The following PLA2R1 variants were observed in gnomAD, a reference collection of about 807,000 sequenced individuals.
The protein encoded by PLA2R1 is secretory phospholipase A2 receptor.
Under a neutral mutation model 195.9 loss-of-function variants are expected in PLA2R1, and 158 were observed. That is an observed-to-expected ratio of 0.81 (90% CI 0.71 to 0.92). PLA2R1 has a LOEUF of 0.92. Ranked by LOEUF, PLA2R1 falls within the 40% of genes least tolerant of loss-of-function variation. PLA2R1 has a pLI of 0.00. For missense variants in PLA2R1, 1,626 were observed against 1,764.6 expected (o/e 0.92, Z 1.41); for synonymous variants, 586 against 598.2 (o/e 0.98, Z 0.30).
intron 20 of PLA2R1, among the ~76,000 whole-genome samples, chr2:159,960,166 A>ACT (rs1399790941): frequency 6.6e-6 from 1 of 151,552 alleles, no homozygotes; most frequent in Non-Finnish European, 1.5e-5. Flanking sequence ...TAAATGTCAT[A>ACT]CTCCCACCTT....
chr2:159,959,138 A>C (rs1688283754), intron 20 of PLA2R1, among the ~76,000 whole-genome samples: 1 of 152,158 alleles, frequency 6.6e-6, no homozygotes, highest in South Asian at 2.1e-4. Flanking sequence ...ATTTCCTTTC[A>C]TTTTGCCTCT....
At chr2:159,990,871 G>T (rs1157580045) in intron 11 of PLA2R1, among the ~76,000 whole-genome samples, 1 of 149,494 alleles carries the variant, frequency 6.7e-6, no homozygotes, top group African/African-American at 2.5e-5. Context: ...AGATTTATTT[G>T]GGTCTACTGT....
chr2:159,959,117 T>A (rs1218064419), intron 20 of PLA2R1, among the ~76,000 whole-genome samples: 1 of 152,240 alleles, frequency 6.6e-6, no homozygotes, highest in East Asian at 1.9e-4. Flanking sequence ...ATAACAACTA[T>A]CCTTTTATCT....
At chr2:160,033,224 TTG>T in intron 3 of PLA2R1, 92 bp from the exon 4 acceptor site, 1 of 974,926 alleles carries the variant, frequency 1.0e-6, no homozygotes, top group Non-Finnish European at 1.5e-6. Context: ...TTATTCCATC[TTG>T]CAATCTCTAA....
chr2:159,948,255 G>T (rs1455300698), intron 25 of PLA2R1, among the ~76,000 whole-genome samples: 3 of 152,120 alleles, frequency 2.0e-5, no homozygotes, highest in South Asian at 2.1e-4. Context: ...CTTTTTAAAA[G>T]ACAAAGTCTC....
At chr2:160,046,313 C>T (rs1326188232) in intron 1 of PLA2R1, among the ~76,000 whole-genome samples, 2 of 152,154 alleles carry the variant, frequency 1.3e-5, no homozygotes, top group Admixed American at 1.3e-4. Flanking sequence ...CTAGGTTCCC[C>T]TCTTCTATTT....
At chr2:159,976,319 T>G (rs1689551988) in intron 16 of PLA2R1, 94 bp from the exon 17 acceptor site, 2 of 748,184 alleles carry the variant, frequency 2.7e-6, no homozygotes, top group Non-Finnish European at 4.4e-6. Context: ...ACATTAAAAA[T>G]AATTGTATAC....
At chr2:160,016,403 A>G (rs1692755974) in intron 9 of PLA2R1, among the ~76,000 whole-genome samples, 1 of 151,182 alleles carries the variant, frequency 6.6e-6, no homozygotes. Context: ...TCAAAAGAAA[A>G]GTAATCCTGT....
At chr2:159,983,750 G>T (rs1422994945) in intron 13 of PLA2R1, among the ~76,000 whole-genome samples, 178 bp downstream of exon 13, 1 of 152,118 alleles carries the variant, frequency 6.6e-6, no homozygotes, top group African/African-American at 2.4e-5. Flanking sequence ...TTTGTTTTAT[G>T]AAATGAGAAC....
chr2:159,946,921 T>C lies in PLA2R1; in HGVS notation c.3851-4A>G, dbSNP rs144769893. 1.3e-6 allele frequency: 2 copies of C among 1,558,258 alleles called. No individual in the cohort carries two copies. The highest frequency in any genetic ancestry group is 1.4e-5 in the African/African-American group (1 of 73,234). On this transcript the variant is annotated splice_region_variant and splice_polypyrimidine_tract_variant and intron_variant, in intron 26 of 29. Transcript: ENST00000283243. ...TTGATTGTTAAAAGATTAGAACCTA[T>C]AAGAGAGACAAGTAGCAAAGGAATA...
chr2:160,016,661 T>C lies in PLA2R1; in HGVS notation c.1504A>G (p.Lys502Glu), dbSNP rs769662781. 6 of 1,610,728 alleles carry C rather than the reference T, an allele frequency of 3.7e-6. No individual in the cohort carries two copies. Among genetic ancestry groups the C allele is most frequent in the African/African-American group, 2.7e-5 (2 of 74,870 alleles). The part of the protein sequence containing the change: ...NCEERLFYIC[K>E]KAGHVLSDAE... ...TCAGAGAGGACATGGCCTGCTTTTT[T>C]ACAAATGTAAAAAAGTCTTTCTTCA... The change falls in exon 9 of 30, where the codon AAA (lysine) becomes GAA (glutamate). Residue 502 changes from lysine to glutamate, a missense_variant. Transcript: ENST00000283243.
At chr2:160,034,981 C>T (rs187999814) in intron 3 of PLA2R1, among the ~76,000 whole-genome samples, 3 of 152,166 alleles carry the variant, frequency 2.0e-5, no homozygotes, top group East Asian at 3.9e-4. Context: ...GTTTCATGCA[C>T]AAAATTATTT....
intron 2 of PLA2R1, 22 bp from the exon 3 acceptor site, chr2:160,042,220 A>AG: frequency 6.2e-7 from 1 of 1,601,790 alleles, no homozygotes; most frequent in Non-Finnish European, 8.5e-7. Flanking sequence ...AAATGTACAA[A>AG]GTCAGATAAG....
At chr2:159,986,932 A>G (rs1244896630) in intron 12 of PLA2R1, among the ~76,000 whole-genome samples, 1 of 152,154 alleles carries the variant, frequency 6.6e-6, no homozygotes, top group African/African-American at 2.4e-5. Context: ...TTCATGAGGA[A>G]GCCTTCAATA....
chr2:159,979,927 G>T lies in PLA2R1; in HGVS notation c.2184-13C>A, dbSNP rs1689832924. ...CCTTTCTTCTGTCCTGTAAAGAGAA[G>T]AAACAAAAGCTTTGCCTTTCCCATC... On this transcript the variant is annotated splice_polypyrimidine_tract_variant and intron_variant, in intron 13 of 29. Coordinates refer to ENST00000283243, the MANE Select transcript of PLA2R1 (RefSeq NM_007366.5). The T allele has an allele frequency of 6.6e-7, 1 of 1,515,040 alleles. No homozygotes were observed. Among genetic ancestry groups the T allele is most frequent in the Non-Finnish European group, 9.1e-7 (1 of 1,097,486 alleles). The allele number at this position is 1,515,040 out of a possible 1,614,324, so 93.8% of individuals were successfully genotyped here. A position where few individuals can be genotyped will look rare whatever the true frequency, so the allele number is the denominator to read the frequency against.
chr2:160,026,272 G>A (rs949890935), intron 6 of PLA2R1, among the ~76,000 whole-genome samples: 1 of 152,146 alleles, frequency 6.6e-6, no homozygotes, highest in African/African-American at 2.4e-5. Flanking sequence ...TAACAGAGCT[G>A]CTCATTTTTG....
the PLA2R1 span, among the ~76,000 whole-genome samples, chr2:159,926,681 G>C: frequency 7.9e-5 from 12 of 152,194 alleles, no homozygotes; most frequent in African/African-American, 2.9e-4. Context: ...ACTCGAAGTG[G>C]TCACTGGAGA....
At chr2:160,021,107 TAGG>T (rs1248866274) in intron 7 of PLA2R1, among the ~76,000 whole-genome samples, 1 of 152,150 alleles carries the variant, frequency 6.6e-6, no homozygotes, top group Non-Finnish European at 1.5e-5. Context: ...AGCTTAAAGA[TAGG>T]AGTTTTTTTT....
intron 14 of PLA2R1, among the ~76,000 whole-genome samples, chr2:159,979,013 A>G (rs1689762501): frequency 6.6e-6 from 1 of 152,180 alleles, no homozygotes; most frequent in Admixed American, 6.6e-5. Flanking sequence ...AGTTATTGTA[A>G]GGATGAAATG....
Sources: allele counts gnomAD v4.1 joint callset (sites outside exome capture counted in the v4.1 genomes callset), GRCh38; gene constraint gnomAD v4.1.1; transcripts MANE v1.5; gene names NCBI Gene and HGNC (gene_info 2026-07-23, HGNC 2026-07-21).